The following MRGPRE variants were observed in gnomAD, a reference collection of about 807,000 sequenced individuals.
The protein encoded by MRGPRE is MAS related GPR family member E.
For missense variants in MRGPRE, 466 were observed against 433.4 expected, an observed-to-expected ratio of 1.08 and a Z score of -0.67; for synonymous variants, 229 against 206.7, an observed-to-expected ratio of 1.11 and a Z score of -0.92.
rs373696773 is a variant in MRGPRE at position 3,227,924 on chromosome 11, G to A, written c.876C>T (p.Asp292=). Residue 292 remains aspartate, a synonymous_variant, in exon 2 of 2, where the codon GAC becomes GAT. Coordinates refer to ENST00000389832, the MANE Select transcript of MRGPRE (RefSeq NM_001039165.4). ...CCCTGACGGCCCCCAGCTCAGCCTC[G>A]TCTCCCAGCGCTCGCTGGAGGACCA... The part of the protein sequence containing the change: ...LRLVLQRALG[D]EAELGAVRET... The A allele has an allele frequency of 1.9e-5, 29 of 1,506,858 alleles. No homozygotes were observed. The highest frequency in any genetic ancestry group is 8.3e-5 in the African/African-American group (6 of 72,012). 93.3% of individuals were successfully genotyped at this position (1,506,858 alleles called of 1,614,324 possible).
In MRGPRE at chr11:3,227,081, G is replaced by C. The variant is rs1346302024; in HGVS notation, c.*780C>G. Among the ~76,000 whole-genome samples, 2 of 152,204 alleles carry C rather than the reference G, an allele frequency of 1.3e-5. No homozygotes were observed. The highest frequency in any genetic ancestry group is 2.4e-5 in the African/African-American group (1 of 41,450). On this transcript the variant is annotated 3_prime_UTR_variant, in exon 2 of 2. Transcript: ENST00000389832. ...TGCTCAGGACAGAGGCGGGTGAACT[G>C]CCTTGGATGGGGCCGGTGTGAAGCT...
rs1280793209 is a variant in MRGPRE, at chr11:3,231,216, G to A, written c.-62+925C>T. ...GGCTGAGGAGGACACGGGCCTCATG[G>A]GTGGGCCCCAGGGAGAGAGCATGGC... is the stretch of plus-strand genomic sequence containing the variant. On this transcript the variant is annotated intron_variant, in intron 1 of 1. Transcript: ENST00000389832. The surrounding 1 kb of genome is among the most constrained non-coding windows in gnomAD (Gnocchi z 4.7). 6.6e-6 allele frequency among the ~76,000 whole-genome samples: 1 copy of A among 152,134 alleles called. No individual in the cohort carries two copies. Among genetic ancestry groups the A allele is most frequent in the Admixed American group, 6.5e-5 (1 of 15,276 alleles).
chr11:3,228,284 G>C lies in MRGPRE; in HGVS notation c.516C>G (p.His172Gln). The C allele has an allele frequency of 6.4e-7, 1 of 1,555,222 alleles. No homozygotes were observed. The highest frequency in any genetic ancestry group is 8.7e-7 in the Non-Finnish European group (1 of 1,151,782). The change falls in exon 2 of 2, where the codon CAC becomes CAG. Residue 172 changes from histidine (H) to glutamine (Q), a missense_variant. Transcript: ENST00000389832. ...CCACCAGCCACAGCGTCCGGCACAA[G>C]TGGCGGCTGGGCTCCCCGAAGAACT... Reference protein sequence around the residue: ...CTQFFGEPSRHLCRTLWLVAA... With the variant: ...CTQFFGEPSRQLCRTLWLVAA...
rs758199266 is a variant in MRGPRE at position 3,228,427 on chromosome 11, C to T, written c.373G>A (p.Ala125Thr). The T allele has an allele frequency of 6.0e-5, 96 of 1,609,086 alleles. No individual in the cohort carries two copies. Among genetic ancestry groups the T allele is most frequent in the South Asian group, 4.9e-4 (45 of 90,932 alleles). ...AAVSVEQCLA[A>T]LFPAWYSCRR... ...CACGAGTACCAGGCTGGGAAGAGGG[C>T]GGCCAGGCACTGCTCCACGCTGACG... The change falls in exon 2 of 2, where the codon GCC becomes ACC. Residue 125 changes from alanine (A) to threonine (T), a missense_variant. Physicochemically the swap from Ala to Thr is moderately conservative, Grantham distance 58 (BLOSUM62 0). Transcript: ENST00000389832.
Position 3,226,918 on chromosome 11 carries a change from G to A in MRGPRE, c.*943C>T, listed in dbSNP as rs1459810268. Among the ~76,000 whole-genome samples the A allele has an allele frequency of 6.6e-6, 1 of 152,028 alleles. No homozygotes were observed. Among genetic ancestry groups the A allele is most frequent in the Non-Finnish European group, 1.5e-5 (1 of 68,032 alleles). ...TAGCGGGGCTCAGCCCAGGCTGTGG[G>A]CTCCAAAGCCCCCACTCTAGCACCC... On this transcript the variant is annotated 3_prime_UTR_variant, in exon 2 of 2. Transcript: ENST00000389832.
At position 3,225,100 on chromosome 11, in the gene MRGPRE, C is replaced by T. The variant is rs1847744634; in HGVS notation, c.*2761G>A. On this transcript the variant is annotated 3_prime_UTR_variant, in exon 2 of 2. Transcript: ENST00000389832. ...GCTAATGAACTAGCTGAGGAGTGAG[C>T]CTGCCTCTCCCCGTGAAGACGCCAT... 6.6e-6 allele frequency among the ~76,000 whole-genome samples: 1 copy of T among 152,246 alleles called. No homozygotes were observed. The highest frequency in any genetic ancestry group is 6.5e-5 in the Admixed American group (1 of 15,292).
At chr11:3,228,977 G>T in intron 1 of MRGPRE, 117 bp from the exon 2 acceptor site, 1 of 591,184 alleles carries the variant, frequency 1.7e-6, no homozygotes. Context: ...CCCTCCAGGA[G>T]AAGACCCCTC....
chr11:3,228,429 G>T lies in MRGPRE; in HGVS notation c.371C>A (p.Ala124Asp), dbSNP rs770550122. Reference sequence around the variant, plus strand: ...CGAGTACCAGGCTGGGAAGAGGGCGGCCAGGCACTGCTCCACGCTGACGGC... The same window carrying T: ...CGAGTACCAGGCTGGGAAGAGGGCGTCCAGGCACTGCTCCACGCTGACGGC... ...LAAVSVEQCL[A>D]ALFPAWYSCR... Residue 124 changes from alanine (A) to aspartate (D), a missense_variant, in exon 2 of 2, where the codon GCC becomes GAC. Ala to Asp is a moderately radical substitution (Grantham distance 126). Transcript: ENST00000389832. The T allele has an allele frequency of 1.2e-6, 2 of 1,609,862 alleles. No homozygotes were observed. Among genetic ancestry groups the T allele is most frequent in the South Asian group, 1.1e-5 (1 of 90,984 alleles).
rs952706377 is a variant in MRGPRE at position 3,230,480 on chromosome 11, G to A, written c.-61-1620C>T. The stretch of plus-strand genomic sequence containing the variant: ...CGCTGCGGTGCTGGGATGCTGGGGA[G>A]AGGTGGCCCGGGGCGGGGCTATCGC... On this transcript the variant is annotated intron_variant, in intron 1 of 1. Transcript: ENST00000389832. This position sits in a 1 kb window ranked among gnomAD's most constrained non-coding sequence, Gnocchi z 5.5. Among the ~76,000 whole-genome samples, 2 of 152,222 alleles carry A rather than the reference G, an allele frequency of 1.3e-5. No individual in the cohort carries two copies. The highest frequency in any genetic ancestry group is 4.8e-5 in the African/African-American group (2 of 41,462).
chr11:3,225,605 G>A lies in MRGPRE; in HGVS notation c.*2256C>T, dbSNP rs1847750873. ...ACGGAAGCTCAGCCTCCAGTTTGGA[G>A]GCCAGCCCACATGGTCCTAATGTCC... On this transcript the variant is annotated 3_prime_UTR_variant, in exon 2 of 2. Transcript: ENST00000389832. Among the ~76,000 whole-genome samples the A allele has an allele frequency of 6.6e-6, 1 of 152,200 alleles. No individual in the cohort carries two copies. The highest frequency in any genetic ancestry group is 2.1e-4 in the South Asian group (1 of 4,834).
rs774493045 is a variant in MRGPRE at position 3,231,878 on chromosome 11, A to G, written c.-62+263T>C. Among the ~76,000 whole-genome samples the G allele has an allele frequency of 4.7e-4, 71 of 151,892 alleles. No individual in the cohort carries two copies. In the Middle Eastern group the frequency reaches 0.01, roughly 22 times the overall value. On this transcript the variant is annotated intron_variant, in intron 1 of 1. Coordinates refer to ENST00000389832, the MANE Select transcript of MRGPRE (RefSeq NM_001039165.4). The surrounding 1 kb of genome is among the most constrained non-coding windows in gnomAD (Gnocchi z 4.7). ...GGAGGAAGCAAGGCAGACAGGAGAC[A>G]GAGCCACCGGGGGTGGGGGGTTGGG...
Position 3,228,456 on chromosome 11 carries a change from G to A in MRGPRE, c.344C>T (p.Ala115Val), listed in dbSNP as rs146856033. ...FCYIVGLSLL[A>V]AVSVEQCLAA... ...CAGGCACTGCTCCACGCTGACGGCC[G>A]CCAGGAGACTCAGGCCCACGATGTA... The change falls in exon 2 of 2, where the codon GCG becomes GTG. Residue 115 changes from alanine to valine, a missense_variant. Ala to Val is a moderately conservative substitution (Grantham distance 64, BLOSUM62 0). Coordinates refer to ENST00000389832, the MANE Select transcript of MRGPRE (RefSeq NM_001039165.4). 2.0e-4 allele frequency: 319 copies of A among 1,612,284 alleles called. No individual in the cohort carries two copies. The highest frequency in any genetic ancestry group is 4.9e-4 in the Middle Eastern group (3 of 6,062).
rs1847757116 is a variant in MRGPRE, at chr11:3,226,148, C to T, written c.*1713G>A. The T allele has an allele frequency of 6.6e-6, 1 of 152,254 alleles. No homozygotes were observed. The allele number at this position is 152,254 out of a possible 1,614,324, so 9.4% of individuals were successfully genotyped here. On this transcript the variant is annotated 3_prime_UTR_variant, in exon 2 of 2. Coordinates refer to ENST00000389832, the MANE Select transcript of MRGPRE (RefSeq NM_001039165.4). ...TCTGCAGAGTGGGAGCACCTTCCTA[C>T]ATTATTACGAGGATTCCCCGGGAAC...
At chr11:3,228,954 G>A in intron 1 of MRGPRE, 94 bp from the exon 2 acceptor site, 2 of 636,576 alleles carry the variant, frequency 3.1e-6, no homozygotes, top group South Asian at 2.2e-5. Flanking sequence ...GGGTGACCAA[G>A]GGAATGGTGA....
At position 3,226,109 on chromosome 11, in the gene MRGPRE, G is replaced by C. The variant is rs1847756533; in HGVS notation, c.*1752C>G. 6.6e-6 allele frequency: 1 copy of C among 152,242 alleles called. No individual in the cohort carries two copies. The highest frequency in any genetic ancestry group is 2.1e-4 in the South Asian group (1 of 4,834). The allele number at this position is 152,242 out of a possible 1,614,324, so 9.4% of individuals were successfully genotyped here. A position where few individuals can be genotyped will look rare whatever the true frequency, so the allele number is the denominator to read the frequency against. ...CTGAACGGCCACATAGCCCCTCGGA[G>C]CCTTGGTGGCTCATCTGCAGAGTGG... is the stretch of plus-strand genomic sequence containing the variant. On this transcript the variant is annotated 3_prime_UTR_variant, in exon 2 of 2. Transcript: ENST00000389832.
In MRGPRE at chr11:3,226,831, CAG is replaced by C. The variant is rs1847766444; in HGVS notation, c.*1028_*1029del. Among the ~76,000 whole-genome samples, 1 of 152,232 alleles carries C rather than the reference CAG, an allele frequency of 6.6e-6. No individual in the cohort carries two copies. Among genetic ancestry groups the C allele is most frequent in the Admixed American group, 6.5e-5 (1 of 15,290 alleles). On this transcript the variant is annotated 3_prime_UTR_variant, in exon 2 of 2. Coordinates refer to ENST00000389832, the MANE Select transcript of MRGPRE (RefSeq NM_001039165.4). ...CAAAGCACTGGGTTCTCATATTTTA[CAG>C]ACCAGCAAACAGAGGCGTAGGGATG...
rs1847761648 is a variant in MRGPRE at position 3,226,492 on chromosome 11, C to A, written c.*1369G>T. ...GTCTCAAGGGATACCTGGACCCAGG[C>A]CTGCTGGGCACGTGCGGGAGCCTGA... On this transcript the variant is annotated 3_prime_UTR_variant, in exon 2 of 2. Transcript: ENST00000389832. 1 of 152,138 alleles carries A rather than the reference C, an allele frequency of 6.6e-6. No individual in the cohort carries two copies. Among genetic ancestry groups the A allele is most frequent in the Non-Finnish European group, 1.5e-5 (1 of 68,074 alleles). The allele number at this position is 152,138 out of a possible 1,614,324, so 9.4% of individuals were successfully genotyped here. A position where few individuals can be genotyped will look rare whatever the true frequency, so the allele number is the denominator to read the frequency against.
Position 3,230,283 on chromosome 11 carries a change from G to A in MRGPRE, c.-61-1423C>T, listed in dbSNP as rs1381780400. 6.6e-6 allele frequency among the ~76,000 whole-genome samples: 1 copy of A among 151,996 alleles called. No individual in the cohort carries two copies. Among genetic ancestry groups the A allele is most frequent in the Non-Finnish European group, 1.5e-5 (1 of 67,982 alleles). ...ACCAGGTGCCCCTCCCACCTTGGTG[G>A]TGGCTGGTCCTCCTGTGTCCTGGGA... On this transcript the variant is annotated intron_variant, in intron 1 of 1. Transcript: ENST00000389832. The surrounding 1 kb of genome is among the most constrained non-coding windows in gnomAD (Gnocchi z 5.5).
rs1193924835 is a variant in MRGPRE at position 3,231,503 on chromosome 11, G to A, written c.-62+638C>T. Among the ~76,000 whole-genome samples, 2 of 151,734 alleles carry A rather than the reference G, an allele frequency of 1.3e-5. No individual in the cohort carries two copies. The highest frequency in any genetic ancestry group is 2.9e-5 in the Non-Finnish European group (2 of 67,920). The stretch of plus-strand genomic sequence containing the variant: ...CGCCACAGTTGGGTTACAGGACTGT[G>A]GGGAGTAGAGGAGTTTGTTGCATCC... On this transcript the variant is annotated intron_variant, in intron 1 of 1. Coordinates refer to ENST00000389832, the MANE Select transcript of MRGPRE (RefSeq NM_001039165.4). The surrounding 1 kb of genome is among the most constrained non-coding windows in gnomAD (Gnocchi z 4.7).
Sources: allele counts gnomAD v4.1 joint callset (sites outside exome capture counted in the v4.1 genomes callset), GRCh38; gene constraint gnomAD v4.1.1; non-coding constraint Gnocchi (gnomAD v3.1); transcripts MANE v1.5; gene names NCBI Gene and HGNC (gene_info 2026-07-23, HGNC 2026-07-21).